The following JAM2 variants were observed in gnomAD, a reference collection of about 807,000 sequenced individuals.
JAM2 encodes junctional adhesion molecule 2.
JAM2 carries 17 observed loss-of-function variants against 42.0 expected under a neutral mutation model. The ratio of observed to expected loss-of-function variants is 0.40; its 90% confidence interval spans 0.28 to 0.61. JAM2 has a LOEUF of 0.61. Ranked by LOEUF, JAM2 falls within the 20% of genes least tolerant of loss-of-function variation. JAM2 has a pLI of 0.37. For synonymous variants in JAM2, 118 were observed against 128.6 expected (o/e 0.92, Z 0.56); for missense variants, 319 against 358.3 (o/e 0.89, Z 0.89).
intron 1 of JAM2, among the ~76,000 whole-genome samples, chr21:25,651,614 T>TA (rs2032784325): frequency 6.6e-6 from 1 of 152,248 alleles, no homozygotes; most frequent in Non-Finnish European, 1.5e-5. Flanking sequence ...TCAACCCCGT[T>TA]ACTGGGAACC....
chr21:25,697,803 T>C (rs1002485576), intron 4 of JAM2, among the ~76,000 whole-genome samples: 9 of 151,656 alleles, frequency 5.9e-5, no homozygotes, highest in Non-Finnish European at 4.4e-5. Context: ...ACTGGGGAGG[T>C]TGAGGTGGAA....
chr21:25,700,606 C>T (rs750001817), intron 5 of JAM2, among the ~76,000 whole-genome samples: 6 of 152,126 alleles, frequency 3.9e-5, no homozygotes, highest in Non-Finnish European at 7.3e-5. Flanking sequence ...AGTGATCGCT[C>T]GCCTGGGCCT....
At chr21:25,659,499 C>A (rs1217091923) in intron 1 of JAM2, among the ~76,000 whole-genome samples, 1 of 152,142 alleles carries the variant, frequency 6.6e-6, no homozygotes, top group African/African-American at 2.4e-5. Flanking sequence ...TTCACTACTT[C>A]CCAACTTTAG....
rs1311949044 is a variant in JAM2, at chr21:25,660,759, CATAT to C, written c.67+20892_67+20895del. Among the ~76,000 whole-genome samples the C allele has an allele frequency of 4.0e-3, 213 of 53,440 alleles. 11 individuals are homozygous for C. Among genetic ancestry groups the C allele is most frequent in the African/African-American group, 0.018 (198 of 10,774 alleles). The allele number at this position is 53,440 out of a possible 152,430, so 35.1% of individuals were successfully genotyped here. A position where few individuals can be genotyped will look rare whatever the true frequency, so the allele number is the denominator to read the frequency against. ...TTTGTATTCTAATGCTCACAATAAC[CATAT>C]ATATATATATATATATATATTTTTT... On this transcript the variant is annotated intron_variant, in intron 1 of 9. Coordinates refer to ENST00000480456, the MANE Select transcript of JAM2 (RefSeq NM_021219.4).
intron 1 of JAM2, among the ~76,000 whole-genome samples, chr21:25,674,119 T>A (rs2033427678): frequency 6.6e-6 from 1 of 152,126 alleles, no homozygotes. Flanking sequence ...CTTGGCCAGG[T>A]GCAGTGGCTC....
chr21:25,681,977 G>A lies in JAM2; in HGVS notation c.68-1906G>A, dbSNP rs535568775. Among the ~76,000 whole-genome samples the A allele has an allele frequency of 6.2e-4, 95 of 152,130 alleles. 2 individuals are homozygous for A. In the South Asian group the frequency reaches 0.019, roughly 30 times the overall value. On this transcript the variant is annotated intron_variant, in intron 1 of 9. Transcript: ENST00000480456. ...AGCCTGGGTGACAGAGCGAGACTCCGTCTCAAAAAAAAGAAAAAAAGAATT... is the reference window on the plus strand; with the variant it reads ...AGCCTGGGTGACAGAGCGAGACTCCATCTCAAAAAAAAGAAAAAAAGAATT...
intron 4 of JAM2, among the ~76,000 whole-genome samples, chr21:25,695,548 G>A (rs933255131): frequency 2.7e-4 from 41 of 150,120 alleles, no homozygotes; most frequent in Admixed American, 6.6e-5. Context: ...CCCAGACAGG[G>A]CGGCCGGGCA....
intron 1 of JAM2, among the ~76,000 whole-genome samples, chr21:25,663,790 C>A (rs2033150066): frequency 6.6e-6 from 1 of 152,150 alleles, no homozygotes; most frequent in South Asian, 2.1e-4. Flanking sequence ...AAATAAATTC[C>A]TTTTCTTTAT....
intron 1 of JAM2, among the ~76,000 whole-genome samples, chr21:25,668,846 A>G (rs1293174425): frequency 1.3e-5 from 2 of 152,196 alleles, no homozygotes; most frequent in African/African-American, 2.4e-5. Flanking sequence ...AAAAACTAGG[A>G]AAGTGTGTTG....
chr21:25,678,213 G>A (rs1164710287), intron 1 of JAM2, among the ~76,000 whole-genome samples: 3 of 152,132 alleles, frequency 2.0e-5, no homozygotes, highest in Non-Finnish European at 2.9e-5. Context: ...GCAATAGAGC[G>A]AGACTCAGTC....
At chr21:25,645,683 A>G (rs2032587754) in intron 1 of JAM2, among the ~76,000 whole-genome samples, 1 of 152,200 alleles carries the variant, frequency 6.6e-6, no homozygotes, top group Admixed American at 6.5e-5. Context: ...GTTCTGAGAA[A>G]TGTGTCGTTA....
chr21:25,682,100 C>T (rs556711396), intron 1 of JAM2, among the ~76,000 whole-genome samples: 1 of 152,192 alleles, frequency 6.6e-6, no homozygotes, highest in Admixed American at 6.5e-5. Flanking sequence ...CTCATTTATT[C>T]AACAAACATT....
chr21:25,649,961 CA>C (rs1008037020), intron 1 of JAM2, among the ~76,000 whole-genome samples: 1 of 152,186 alleles, frequency 6.6e-6, no homozygotes, highest in Non-Finnish European at 1.5e-5. Flanking sequence ...AGACAAAACA[CA>C]AGTGATGGCC....
At chr21:25,688,055 T>C (rs1454395944) in intron 2 of JAM2, among the ~76,000 whole-genome samples, 1 of 152,252 alleles carries the variant, frequency 6.6e-6, no homozygotes, top group Admixed American at 6.5e-5. Flanking sequence ...TGGCAGACAG[T>C]AAGTACTCAA....
chr21:25,685,865 T>G (rs1052683794), intron 2 of JAM2, among the ~76,000 whole-genome samples: 5 of 152,180 alleles, frequency 3.3e-5, no homozygotes, highest in Admixed American at 2.6e-4. Context: ...GAAGTGAAGT[T>G]CAGTTCCACT....
At chr21:25,685,674 T>G (rs2033736943) in intron 2 of JAM2, among the ~76,000 whole-genome samples, 1 of 151,618 alleles carries the variant, frequency 6.6e-6, no homozygotes, top group Non-Finnish European at 1.5e-5. Context: ...TATGAGTTAG[T>G]TTTAAACGGA....
At chr21:25,654,787 G>A (rs2032883974) in intron 1 of JAM2, among the ~76,000 whole-genome samples, 1 of 152,118 alleles carries the variant, frequency 6.6e-6, no homozygotes, top group Admixed American at 6.6e-5. Context: ...AAGGATAGAT[G>A]CACAAATTAA....
chr21:25,708,801 A>C (rs562189831), intron 7 of JAM2, among the ~76,000 whole-genome samples: 37 of 152,126 alleles, frequency 2.4e-4, no homozygotes, highest in Non-Finnish European at 5.0e-4. Flanking sequence ...ATTTTCCTAA[A>C]ATATTGAATT....
At chr21:25,646,455 C>G (rs1253223575) in intron 1 of JAM2, among the ~76,000 whole-genome samples, 2 of 152,122 alleles carry the variant, frequency 1.3e-5, no homozygotes, top group Non-Finnish European at 2.9e-5. Context: ...TCCAGTGTTT[C>G]CAGAGTTTCC....
Sources: gnomAD v4.1 joint callset for allele counts (sites outside exome capture counted in the v4.1 genomes callset) on GRCh38, gnomAD v4.1.1 for gene constraint, MANE v1.5 for transcripts, NCBI Gene and HGNC (gene_info 2026-07-23, HGNC 2026-07-21) for gene names.